Variants in SPEG observed in about 807,000 individuals in gnomAD.
SPEG encodes striated muscle preferentially expressed protein kinase.
Under a neutral mutation model 300.4 loss-of-function variants are expected in SPEG, and 114 were observed. The ratio of observed to expected loss-of-function variants is 0.38; its 90% confidence interval spans 0.33 to 0.44. The LOEUF is 0.44. SPEG is among the 20% of genes least tolerant of loss of function. The probability of loss-of-function intolerance (pLI) is 1.00; values close to 1 mark genes in which losing one functional copy is unlikely to be tolerated. For synonymous variants in SPEG, 1,964 were observed against 2,018.9 expected, an observed-to-expected ratio of 0.97 and a Z score of 0.73; for missense variants, 4,201 against 4,586.2, an observed-to-expected ratio of 0.92 and a Z score of 2.43.
intron 10 of SPEG, among the ~76,000 whole-genome samples, chr2:219,467,817 A>T (rs530965675): frequency 6.6e-6 from 1 of 152,364 alleles, no homozygotes; most frequent in South Asian, 2.1e-4. Flanking sequence ...GGCAGGATTA[A>T]TGAGATAGTT....
chr2:219,468,312 AGCT>A (rs1691563798), intron 10 of SPEG, among the ~76,000 whole-genome samples: 1 of 151,122 alleles, frequency 6.6e-6, no homozygotes, highest in Non-Finnish European at 1.5e-5. Context: ...AGGAGGGGGG[AGCT>A]GGGGCCAGGC....
At position 219,444,863 on chromosome 2, in the gene SPEG, C is replaced by G; in HGVS notation, c.517C>G (p.Pro173Ala). 4 of 1,570,594 alleles carry G rather than the reference C, an allele frequency of 2.5e-6. No homozygotes were observed. The South Asian group carries it at 4.8e-5, about 19-fold the overall frequency. Residue 173 changes from proline to alanine, a missense_variant, in exon 3 of 41, where the codon CCC becomes GCC. By Grantham distance (27) the Pro-to-Ala change is conservative. Around this residue, in one of 4 missense-constraint regions of SPEG, gnomAD observed 1,258 missense variants for 1,293.9 expected, o/e 0.97. Transcript: ENST00000312358. The surrounding 1 kb of genome is among the most constrained non-coding windows in gnomAD (Gnocchi z 7.8). ...CCTGGTGGGCACCTCCCTGGACACA[C>G]CCCCGACCTCCGTGACAGGCACCTC... is the stretch of plus-strand genomic sequence containing the variant. ...DTLVGTSLDT[P>A]PTSVTGTSEE... is the part of the protein sequence containing the mutation.
At chr2:219,462,805 C>A (rs1690851189) in intron 8 of SPEG, among the ~76,000 whole-genome samples, 1 of 152,204 alleles carries the variant, frequency 6.6e-6, no homozygotes. Flanking sequence ...GTAATCCCAG[C>A]TACTTGGGAG....
Position 219,489,954 on chromosome 2 carries a change from G to A in SPEG, c.8921+15G>A, listed in dbSNP as rs768212571. 1.3e-6 allele frequency: 2 copies of A among 1,551,698 alleles called. No homozygotes were observed. The highest frequency in any genetic ancestry group is 1.2e-5 in the South Asian group (1 of 81,432). On this transcript the variant is annotated intron_variant, in intron 36 of 40. Transcript: ENST00000312358. ...GAGAAAGCCAGGCAAGCAGGGCTGG[G>A]GAAGGGAAGAGGACAGAGGGGAGTG... is the stretch of plus-strand genomic sequence containing the variant.
Position 219,464,284 on chromosome 2 carries a change from AC to A in SPEG, c.2706-147del. 1.2e-6 allele frequency: 1 copy of A among 859,814 alleles called. No homozygotes were observed. Among genetic ancestry groups the A allele is most frequent in the South Asian group, 1.8e-5 (1 of 56,134 alleles). The allele number at this position is 859,814 out of a possible 1,614,324, so 53.3% of individuals were successfully genotyped here. ...TGGGGGTAAAAACCTAGCCCTGGAA[AC>A]CAGGGATGCCCACGGTCAGTGGGAC... On this transcript the variant is annotated intron_variant, in intron 8 of 40. Coordinates refer to ENST00000312358, the MANE Select transcript of SPEG (RefSeq NM_005876.5). The surrounding 1 kb of genome is among the most constrained non-coding windows in gnomAD (Gnocchi z 4.5).
Position 219,448,935 on chromosome 2 carries a change from C to A in SPEG, c.1777C>A (p.Arg593=), listed in dbSNP as rs762541538. 22 of 1,493,768 alleles carry A rather than the reference C, an allele frequency of 1.5e-5. No homozygotes were observed. The highest frequency in any genetic ancestry group is 6.7e-5 in the Admixed American group (3 of 44,950). The allele number at this position is 1,493,768 out of a possible 1,614,324, so 92.5% of individuals were successfully genotyped here. A position where few individuals can be genotyped will look rare whatever the true frequency, so the allele number is the denominator to read the frequency against. The part of the protein sequence containing the change: ...GEGPQQEVRR[R]DQFPLTRSRA... ...AGGCCCGCAGCAGGAGGTTAGGCGT[C>A]GGGACCAATTCCCGCTGACCCGGAG... The change falls in exon 4 of 41, where the codon CGG becomes AGG. Residue 593 remains arginine, a synonymous_variant. Coordinates refer to ENST00000312358, the MANE Select transcript of SPEG (RefSeq NM_005876.5).
chr2:219,476,490 G>A (rs1172998830), intron 18 of SPEG, among the ~76,000 whole-genome samples: 1 of 152,200 alleles, frequency 6.6e-6, no homozygotes, highest in Admixed American at 6.5e-5. Flanking sequence ...GCAGCGAGGG[G>A]AGCGACTCAG....
In SPEG at chr2:219,451,355, G is replaced by C. The variant is rs950207979; in HGVS notation, c.2257+76G>C. ...TGAGAAGGGAAGGGGAGGTTCCCCCGGACTCCTCCAAGGGAGGGGTGGGAA... is the reference window on the plus strand; with the variant it reads ...TGAGAAGGGAAGGGGAGGTTCCCCCCGACTCCTCCAAGGGAGGGGTGGGAA... On this transcript the variant is annotated intron_variant, in intron 5 of 40. Coordinates refer to ENST00000312358, the MANE Select transcript of SPEG (RefSeq NM_005876.5). This position sits in a 1 kb window ranked among gnomAD's most constrained non-coding sequence, Gnocchi z 6.4. 1.3e-6 allele frequency: 2 copies of C among 1,507,216 alleles called. No individual in the cohort carries two copies. Among genetic ancestry groups the C allele is most frequent in the South Asian group, 2.7e-5 (2 of 74,948 alleles). 93.4% of individuals were successfully genotyped at this position (1,507,216 alleles called of 1,614,324 possible).
At chr2:219,437,696 A>T (rs1167042697) in intron 1 of SPEG, among the ~76,000 whole-genome samples, 2 of 152,092 alleles carry the variant, frequency 1.3e-5, no homozygotes, top group African/African-American at 2.4e-5. Flanking sequence ...CCTATCCCAC[A>T]TGCTTTGGAG....
intron 9 of SPEG, chr2:219,466,644 G>C (rs1049248337): frequency 1.6e-5 from 16 of 1,004,590 alleles, no homozygotes; most frequent in Non-Finnish European, 1.9e-5. Context: ...GAGGCCCCAG[G>C]CTCTGTGCTG....
In SPEG at chr2:219,444,752, T is replaced by G. The variant is rs1161409544; in HGVS notation, c.478+10T>G. On this transcript the variant is annotated intron_variant, in intron 2 of 40. Transcript: ENST00000312358. This position sits in a 1 kb window ranked among gnomAD's most constrained non-coding sequence, Gnocchi z 7.8. ...TTCAGCACCCCCACGGGTGAGCTCC[T>G]GGGGTGTACAAAGAGCAGGCAGGCG... 3 of 1,613,818 alleles carry G rather than the reference T, an allele frequency of 1.9e-6. No individual in the cohort carries two copies. The Admixed American group carries it at 5.0e-5, about 27-fold the overall frequency.
rs1475787852 is a variant in SPEG at position 219,459,081 on chromosome 2, A to G, written c.2441-2801A>G. On this transcript the variant is annotated intron_variant, in intron 6 of 40. Coordinates refer to ENST00000312358, the MANE Select transcript of SPEG (RefSeq NM_005876.5). The surrounding 1 kb of genome is among the most constrained non-coding windows in gnomAD (Gnocchi z 4.9). Reference sequence around the variant, plus strand: ...AGTTCCCTGTGTGCTTCCTAACGCCAGTATTTTCATCAAATGAGTTTGACC... The same window carrying G: ...AGTTCCCTGTGTGCTTCCTAACGCCGGTATTTTCATCAAATGAGTTTGACC... Among the ~76,000 whole-genome samples the G allele has an allele frequency of 6.6e-6, 1 of 152,238 alleles. No homozygotes were observed. Among genetic ancestry groups the G allele is most frequent in the Non-Finnish European group, 1.5e-5 (1 of 68,050 alleles).
At chr2:219,454,894 G>A (rs1690052671) in intron 6 of SPEG, among the ~76,000 whole-genome samples, 1 of 152,174 alleles carries the variant, frequency 6.6e-6, no homozygotes, top group Non-Finnish European at 1.5e-5. Context: ...AGGAGTTCGA[G>A]ACCAGCCTGG....
Position 219,453,555 on chromosome 2 carries a change from G to A in SPEG, c.2440+1748G>A, listed in dbSNP as rs1437733520. 6.6e-5 allele frequency among the ~76,000 whole-genome samples: 10 copies of A among 152,188 alleles called. No homozygotes were observed. In the East Asian group the frequency reaches 1.9e-3, roughly 29 times the overall value. ...GGGACTCCACCTCTCCCCTTGGAAG[G>A]CCCATATCCTGCAGACCCTCTGTAT... is the stretch of plus-strand genomic sequence containing the variant. On this transcript the variant is annotated intron_variant, in intron 6 of 40. Coordinates refer to ENST00000312358, the MANE Select transcript of SPEG (RefSeq NM_005876.5).
intron 36 of SPEG, 39 bp downstream of exon 36, chr2:219,489,978 T>C: frequency 6.6e-7 from 1 of 1,520,416 alleles, no homozygotes; most frequent in Non-Finnish European, 8.8e-7. Flanking sequence ...CAGAGGGGAG[T>C]GGGCCAAATG....
rs1575122891 is a variant in SPEG at position 219,469,204 on chromosome 2, T to C, written c.3540T>C (p.Gly1180=). 2 of 1,613,308 alleles carry C rather than the reference T, an allele frequency of 1.2e-6. No homozygotes were observed. The highest frequency in any genetic ancestry group is 1.3e-5 in the African/African-American group (1 of 74,844). ...CCATTCCCGAGGAGCCAGAGCAGGG[T>C]GAGCTGGAGCGGCTGTCCATTCCTG... ...MPSIPEEPEQ[G]ELERLSIPDF... is the part of the protein sequence containing the mutation. The change falls in exon 13 of 41, where the codon GGT becomes GGC. Residue 1180 remains glycine, a synonymous_variant. Transcript: ENST00000312358.
chr2:219,444,338 G>A lies in SPEG; in HGVS notation c.389-315G>A, dbSNP rs183342959. Among the ~76,000 whole-genome samples, 93 of 152,316 alleles carry A rather than the reference G, an allele frequency of 6.1e-4. No individual in the cohort carries two copies. The highest frequency in any genetic ancestry group is 2.1e-3 in the African/African-American group (89 of 41,574). On this transcript the variant is annotated intron_variant, in intron 1 of 40. Coordinates refer to ENST00000312358, the MANE Select transcript of SPEG (RefSeq NM_005876.5). The surrounding 1 kb of genome is among the most constrained non-coding windows in gnomAD (Gnocchi z 7.8). Reference sequence around the variant, plus strand: ...CTTAAGCTTTCACTGACAAGGGGAGGAGGGAGAAGGGAGGAGGCTCTGATA... The same window carrying A: ...CTTAAGCTTTCACTGACAAGGGGAGAAGGGAGAAGGGAGGAGGCTCTGATA...
rs570929767 is a variant in SPEG at position 219,492,923 on chromosome 2, C to G, written c.*137C>G. ...GCAGCAACATCTGGCTGGGCTCTTA[C>G]CTCATAGACCTTCAAGGACAGAGAC... is the stretch of plus-strand genomic sequence containing the variant. On this transcript the variant is annotated 3_prime_UTR_variant, in exon 41 of 41. Coordinates refer to ENST00000312358, the MANE Select transcript of SPEG (RefSeq NM_005876.5). The G allele has an allele frequency of 9.5e-5, 88 of 922,766 alleles. No homozygotes were observed. The highest frequency in any genetic ancestry group is 1.5e-4 in the Non-Finnish European group (88 of 588,090). 57.2% of individuals were successfully genotyped at this position (922,766 alleles called of 1,614,324 possible).
rs749419099 is a variant in SPEG, at chr2:219,489,584, C to G, written c.8566C>G (p.Arg2856Gly). The change falls in exon 36 of 41, where the codon CGG becomes GGG. Residue 2856 changes from arginine to glycine, a missense_variant. Coordinates refer to ENST00000312358, the MANE Select transcript of SPEG (RefSeq NM_005876.5). ...PRRHRGLQAA[R>G]PAEPTLPSTH... ...AAGACACAGGGGCCTGCAGGCTGCC[C>G]GGCCAGCGGAGCCCACCCTACCCAG... 1.2e-6 allele frequency: 2 copies of G among 1,613,578 alleles called. No homozygotes were observed. Among genetic ancestry groups the G allele is most frequent in the South Asian group, 2.2e-5 (2 of 91,060 alleles).
Sources: allele counts gnomAD v4.1 joint callset (sites outside exome capture counted in the v4.1 genomes callset), GRCh38; gene constraint gnomAD v4.1.1; regional missense constraint gnomAD v4.1.1; non-coding constraint Gnocchi (gnomAD v3.1); transcripts MANE v1.5; gene names NCBI Gene and HGNC (gene_info 2026-07-23, HGNC 2026-07-21).